The following HEMK2 variants were observed in gnomAD, a reference collection of about 807,000 sequenced individuals.
HEMK2 encodes methyltransferase HEMK2.
the HEMK2 span, chr21:28,874,255 C>A: frequency 2.0e-5 from 3 of 152,218 alleles, no homozygotes; most frequent in African/African-American, 7.2e-5. Flanking sequence ...ATAGATGAGA[C>A]ATTCTGTAAG....
chr21:28,649,580 G>A, the HEMK2 span, among the ~76,000 whole-genome samples: 6 of 152,212 alleles, frequency 3.9e-5, no homozygotes, highest in Non-Finnish European at 7.3e-5. Context: ...TTCTGAGAGT[G>A]ATAAGTAATT....
At chr21:28,869,058 TTTCTGA>T in the HEMK2 span, among the ~76,000 whole-genome samples, 2 of 152,184 alleles carry the variant, frequency 1.3e-5, no homozygotes, top group Non-Finnish European at 2.9e-5. Flanking sequence ...AATTTTCTCG[TTTCTGA>T]TTCTTATAGG....
At chr21:28,774,774 G>A in the HEMK2 span, among the ~76,000 whole-genome samples, 10 of 152,042 alleles carry the variant, frequency 6.6e-5, no homozygotes, top group Non-Finnish European at 1.3e-4. Flanking sequence ...TTTTGAATAC[G>A]TAAGTATTAT....
chr21:28,880,721 C>T, the HEMK2 span, among the ~76,000 whole-genome samples: 8 of 148,382 alleles, frequency 5.4e-5, no homozygotes, highest in Admixed American at 1.4e-4. Flanking sequence ...CCAGCCTGGG[C>T]GACAGAGTGA....
the HEMK2 span, among the ~76,000 whole-genome samples, chr21:28,601,908 A>G: frequency 6.6e-6 from 1 of 152,330 alleles, no homozygotes; most frequent in African/African-American, 2.4e-5. Context: ...ACATCCTGTT[A>G]TAACCTTGTC....
the HEMK2 span, among the ~76,000 whole-genome samples, chr21:28,849,245 T>C: frequency 6.6e-6 from 1 of 152,070 alleles, no homozygotes; most frequent in African/African-American, 2.4e-5. Context: ...GAGCTGAGGT[T>C]TGGCTCCCTG....
chr21:28,796,602 C>T, the HEMK2 span, among the ~76,000 whole-genome samples: 75,369 of 151,966 alleles, frequency 0.5, 21,338 homozygotes, highest in East Asian at 0.77. Context: ...TCTTACTCTG[C>T]CATCAAGGCA....
At chr21:28,859,582 T>C in the HEMK2 span, among the ~76,000 whole-genome samples, 1 of 152,226 alleles carries the variant, frequency 6.6e-6, no homozygotes, top group Non-Finnish European at 1.5e-5. Context: ...TCTCTTCTAC[T>C]GGGTTTGTGC....
At chr21:28,698,887 C>T in the HEMK2 span, among the ~76,000 whole-genome samples, 1 of 152,322 alleles carries the variant, frequency 6.6e-6, no homozygotes, top group Admixed American at 6.5e-5. Flanking sequence ...CTATATCTTG[C>T]ATACCTACCC....
chr21:28,745,584 T>C, the HEMK2 span, among the ~76,000 whole-genome samples: 1 of 152,166 alleles, frequency 6.6e-6, no homozygotes, highest in Admixed American at 6.5e-5. Flanking sequence ...TCCCTTTACC[T>C]GCCCTCTATC....
At chr21:28,620,559 T>G in the HEMK2 span, among the ~76,000 whole-genome samples, 10 of 151,916 alleles carry the variant, frequency 6.6e-5, no homozygotes, top group Admixed American at 6.6e-4. Context: ...TGTGTAGAGG[T>G]GTTTATAGTA....
the HEMK2 span, among the ~76,000 whole-genome samples, chr21:28,840,106 T>C: frequency 6.6e-6 from 1 of 151,890 alleles, no homozygotes; most frequent in Non-Finnish European, 1.5e-5. Flanking sequence ...AACAAAAACA[T>C]AAAGTGGGGA....
At chr21:28,882,661 T>C in the HEMK2 span, among the ~76,000 whole-genome samples, 15 of 152,158 alleles carry the variant, frequency 9.9e-5, no homozygotes, top group Non-Finnish European at 1.9e-4. Context: ...GTAAAATTTA[T>C]AGGTGATTTT....
the HEMK2 span, among the ~76,000 whole-genome samples, chr21:28,583,509 T>C: frequency 4.3e-3 from 657 of 152,328 alleles, 2 homozygotes; most frequent in Admixed American, 0.013. Context: ...CAGAAGAACA[T>C]AGACCTTGAA....
chr21:28,716,140 T>C, the HEMK2 span, among the ~76,000 whole-genome samples: 2 of 152,174 alleles, frequency 1.3e-5, no homozygotes, highest in African/African-American at 2.4e-5. Context: ...TTTGGTTCCA[T>C]GTGAACTTTA....
chr21:28,787,393 C>T, the HEMK2 span, among the ~76,000 whole-genome samples: 59 of 151,568 alleles, frequency 3.9e-4, no homozygotes, highest in South Asian at 6.3e-3. Flanking sequence ...AGCTTTTGCA[C>T]GGCAAAAGGA....
At chr21:28,851,180 A>T in the HEMK2 span, among the ~76,000 whole-genome samples, 5 of 152,308 alleles carry the variant, frequency 3.3e-5, no homozygotes, top group South Asian at 1.0e-3. Context: ...TATCTGCAGA[A>T]GATGGCAGGG....
chr21:28,745,172 T>A, the HEMK2 span, among the ~76,000 whole-genome samples: 3 of 152,220 alleles, frequency 2.0e-5, no homozygotes, highest in East Asian at 5.8e-4. Context: ...AGTGATTTTG[T>A]GTTAGATCTC....
the HEMK2 span, among the ~76,000 whole-genome samples, chr21:28,723,466 C>T: frequency 7.2e-5 from 11 of 152,148 alleles, no homozygotes; most frequent in Non-Finnish European, 1.3e-4. Context: ...AACCTGCATT[C>T]GAAGTCTCTC....
Sources: gnomAD v4.1 joint callset for allele counts (sites outside exome capture counted in the v4.1 genomes callset) on GRCh38, gnomAD v4.1.1 for gene constraint, MANE v1.5 for transcripts, NCBI Gene and HGNC (gene_info 2026-07-23, HGNC 2026-07-21) for gene names.